The following ZNF487 variants were observed in gnomAD, a reference collection of about 807,000 sequenced individuals.
ZNF487 encodes the protein KRAB domain only 1.
Under a neutral mutation model 3.0 loss-of-function variants are expected in ZNF487, and 4 were observed. The ratio of observed to expected loss-of-function variants is 1.35; its 90% CI spans 0.66 to 3.08. The LOEUF (loss-of-function observed/expected upper bound fraction) is 3.08. Among genes scored for constraint, ZNF487 ranks in the 30% most tolerant of loss-of-function variants. The probability of loss-of-function intolerance (pLI) is 0.01; values close to 1 mark genes in which losing one functional copy is unlikely to be tolerated. For synonymous variants in ZNF487, 55 were observed against 34.6 expected, an observed-to-expected ratio of 1.59 and a Z score of -2.06; for missense variants, 146 against 98.7, an observed-to-expected ratio of 1.48 and a Z score of -2.03.
the ZNF487 span, among the ~76,000 whole-genome samples, chr10:43,494,540 C>T: frequency 2.1e-5 from 3 of 141,592 alleles, no homozygotes; most frequent in African/African-American, 7.7e-5. Flanking sequence ...AAGATGCAAA[C>T]CTGGACATCT....
intron 1 of ZNF487, among the ~76,000 whole-genome samples, chr10:43,463,713 T>TTTCTTTC (rs113342394): frequency 2.5e-5 from 3 of 122,104 alleles, no homozygotes; most frequent in Middle Eastern, 3.6e-3. Flanking sequence ...TCTTTCTTTC[T>TTTCTTTC]TTTTTTTTTT....
the ZNF487 span, among the ~76,000 whole-genome samples, chr10:43,512,371 C>T: frequency 6.6e-6 from 1 of 152,100 alleles, no homozygotes; most frequent in Admixed American, 6.6e-5. Flanking sequence ...ATGCCACTTC[C>T]GTTTGATGAT....
At chr10:43,518,429 C>A in the ZNF487 span, among the ~76,000 whole-genome samples, 2 of 152,114 alleles carry the variant, frequency 1.3e-5, no homozygotes, top group Non-Finnish European at 2.9e-5. Context: ...TATGCCAGTG[C>A]CACACAGGTT....
At position 43,481,478 on chromosome 10, in the gene ZNF487, C is replaced by T; in HGVS notation, c.180C>T (p.Asp60=). The T allele has an allele frequency of 1.4e-6, 1 of 717,074 alleles. No individual in the cohort carries two copies. The highest frequency in any genetic ancestry group is 2.0e-5 in the Admixed American group (1 of 49,958). The allele number at this position is 717,074 out of a possible 1,614,324, so 44.4% of individuals were successfully genotyped here. Residue 60 remains aspartate, a synonymous_variant, in exon 4 of 4, where the codon GAC becomes GAT. Coordinates refer to ENST00000437590, the MANE Select transcript of ZNF487 (RefSeq NM_001355444.3). The part of the protein sequence containing the change: ...DLMEKRQENQ[D]QHLQKVDFVN... Reference sequence around the variant, plus strand: ...TGGAGAAGAGACAGGAAAATCAAGACCAGCATTTGCAGAAAGTTGATTTTG... The same window carrying T: ...TGGAGAAGAGACAGGAAAATCAAGATCAGCATTTGCAGAAAGTTGATTTTG...
At chr10:43,522,192 C>T in the ZNF487 span, among the ~76,000 whole-genome samples, 1 of 152,114 alleles carries the variant, frequency 6.6e-6, no homozygotes, top group Non-Finnish European at 1.5e-5. Context: ...TTATTGCTGT[C>T]TGAAATTGTA....
chr10:43,469,950 C>T (rs61859964), intron 1 of ZNF487, among the ~76,000 whole-genome samples: 1 of 147,472 alleles, frequency 6.8e-6, no homozygotes, highest in Non-Finnish European at 1.5e-5. Flanking sequence ...ACTCTGTCTT[C>T]CAAAAAAAAA....
At chr10:43,479,980 T>C (rs866096261) in intron 3 of ZNF487, among the ~76,000 whole-genome samples, 3 of 48,306 alleles carry the variant, frequency 6.2e-5, no homozygotes, top group African/African-American at 1.7e-4. Flanking sequence ...CTTTTCTTTC[T>C]TTCCTTCTTT....
intron 1 of ZNF487, among the ~76,000 whole-genome samples, chr10:43,448,374 T>C (rs1053591984): frequency 6.6e-6 from 1 of 152,164 alleles, no homozygotes; most frequent in Non-Finnish European, 1.5e-5. Flanking sequence ...TCAATTCGTC[T>C]TGCGCTGAAG....
At chr10:43,497,923 C>A in the ZNF487 span, among the ~76,000 whole-genome samples, 1 of 148,256 alleles carries the variant, frequency 6.7e-6, no homozygotes, top group South Asian at 2.1e-4. Context: ...GCCGAGATTG[C>A]GCCACTGCCC....
the ZNF487 span, among the ~76,000 whole-genome samples, chr10:43,492,914 C>A: frequency 6.6e-6 from 1 of 152,090 alleles, no homozygotes; most frequent in Admixed American, 6.6e-5. Context: ...TAATTTTAGT[C>A]CTTATGTTGT....
At chr10:43,463,610 C>G (rs925545142) in intron 1 of ZNF487, among the ~76,000 whole-genome samples, 3 of 151,322 alleles carry the variant, frequency 2.0e-5, no homozygotes, top group Non-Finnish European at 4.4e-5. Context: ...GTCTTGAACT[C>G]CTGGCATCAA....
the ZNF487 span, among the ~76,000 whole-genome samples, chr10:43,501,223 G>A: frequency 6.6e-6 from 1 of 152,054 alleles, no homozygotes; most frequent in African/African-American, 2.4e-5. Context: ...GAAAAAAAAT[G>A]GTATACCTGT....
At chr10:43,488,087 G>GC (rs1841485588), downstream of ZNF487, among the ~76,000 whole-genome samples, 1 of 151,400 alleles carries the variant, frequency 6.6e-6, no homozygotes, top group African/African-American at 2.4e-5. Context: ...GGGTGATAGA[G>GC]CAAGACCCTG....
chr10:43,466,285 C>A (rs1302523035), intron 1 of ZNF487, among the ~76,000 whole-genome samples: 1 of 151,818 alleles, frequency 6.6e-6, no homozygotes, highest in African/African-American at 2.4e-5. Flanking sequence ...CTCAGGTGAT[C>A]TACCCGTCTC....
At chr10:43,509,826 C>A in the ZNF487 span, among the ~76,000 whole-genome samples, 135,762 of 152,080 alleles carry the variant, frequency 0.89, 60,642 homozygotes, top group East Asian at 1. Context: ...GCCCGGGATC[C>A]ATACTTTGTA....
At chr10:43,453,641 G>C (rs1840078536) in intron 1 of ZNF487, 1 of 152,196 alleles carries the variant, frequency 6.6e-6, no homozygotes, top group Admixed American at 6.6e-5. Context: ...TTCTGAGTGA[G>C]CCGAATAACA....
At chr10:43,508,596 G>T in the ZNF487 span, among the ~76,000 whole-genome samples, 2 of 151,660 alleles carry the variant, frequency 1.3e-5, no homozygotes, top group South Asian at 2.1e-4. Context: ...ATCACCTGAG[G>T]TCAGGAGTTT....
intron 1 of ZNF487, among the ~76,000 whole-genome samples, chr10:43,475,031 C>T (rs866066353): frequency 6.6e-6 from 1 of 152,166 alleles, no homozygotes; most frequent in Non-Finnish European, 1.5e-5. Context: ...CTGCCTCCAC[C>T]TCATTCTCCC....
chr10:43,467,176 A>T (rs1840736133), intron 1 of ZNF487, among the ~76,000 whole-genome samples: 1 of 151,728 alleles, frequency 6.6e-6, no homozygotes, highest in Non-Finnish European at 1.5e-5. Flanking sequence ...CACCCGGCCA[A>T]GGAGTAATTT....
Sources: gnomAD v4.1 joint callset for allele counts (sites outside exome capture counted in the v4.1 genomes callset) on GRCh38, gnomAD v4.1.1 for gene constraint, MANE v1.5 for transcripts, NCBI Gene and HGNC (gene_info 2026-07-23, HGNC 2026-07-21) for gene names.